KCNQ3: variants seen among roughly 807,000 people sequenced by gnomAD.
KCNQ3 encodes the protein potassium voltage-gated channel subfamily Q member 3.
KCNQ3 carries 30 observed loss-of-function variants against 92.5 expected under a neutral mutation model. The observed-to-expected ratio is 0.32, with a 90% CI of 0.24 to 0.44. KCNQ3 has a LOEUF of 0.44. Ranked by LOEUF, KCNQ3 falls within the 20% of genes least tolerant of loss-of-function variation. The pLI is 1.00. For missense variants in KCNQ3, 913 were observed against 1,140.3 expected, an observed-to-expected ratio of 0.80 and a Z score of 2.87; for synonymous variants, 450 against 468.8, an observed-to-expected ratio of 0.96 and a Z score of 0.52.
intron 1 of KCNQ3, among the ~76,000 whole-genome samples, chr8:132,371,530 A>G (rs1468502735): frequency 6.6e-6 from 1 of 152,204 alleles, no homozygotes; most frequent in African/African-American, 2.4e-5. Flanking sequence ...GTAAATAAAT[A>G]CAACCTATGG....
chr8:132,357,609 A>G (rs188417887), intron 1 of KCNQ3, among the ~76,000 whole-genome samples: 2 of 152,284 alleles, frequency 1.3e-5, no homozygotes, highest in African/African-American at 4.8e-5. Context: ...CGCAGGAGAC[A>G]TGGGCACCAC....
Position 132,330,833 on chromosome 8 carries a change from C to A in KCNQ3, c.387-144652G>T, listed in dbSNP as rs566593051. Among the ~76,000 whole-genome samples the A allele has an allele frequency of 5.9e-5, 9 of 152,312 alleles. No individual in the cohort carries two copies. In the South Asian group the frequency reaches 1.0e-3, roughly 18 times the overall value. ...GCCCTGGTGGTTTTCCCAGGCCACA[C>A]TGGGCAGTCTGTCAGTTGTTGTGTC... On this transcript the variant is annotated intron_variant, in intron 1 of 14. Transcript: ENST00000388996.
chr8:132,129,152 T>C lies in KCNQ3; in HGVS notation c.*110A>G, dbSNP rs1824766505. 3.7e-6 allele frequency: 5 copies of C among 1,339,104 alleles called. No homozygotes were observed. The highest frequency in any genetic ancestry group is 5.2e-6 in the Non-Finnish European group (5 of 961,646). The allele number at this position is 1,339,104 out of a possible 1,614,324, so 83.0% of individuals were successfully genotyped here. A position where few individuals can be genotyped will look rare whatever the true frequency, so the allele number is the denominator to read the frequency against. ...TGGGTGGGGCCACCACGCACACGCA[T>C]GCATTTGATGCAGCCATTGGTGTCC... On this transcript the variant is annotated 3_prime_UTR_variant, in exon 15 of 15. Coordinates refer to ENST00000388996, the MANE Select transcript of KCNQ3 (RefSeq NM_004519.4). The surrounding 1 kb of genome is among the most constrained non-coding windows in gnomAD (Gnocchi z 5.9).
intron 1 of KCNQ3, among the ~76,000 whole-genome samples, chr8:132,458,014 AG>A (rs1176715396): frequency 6.6e-6 from 1 of 152,150 alleles, no homozygotes; most frequent in Admixed American, 6.5e-5. Flanking sequence ...AGGTCTTTGA[AG>A]GTAGAAGCCC....
At chr8:132,329,418 T>C (rs1818164698) in intron 1 of KCNQ3, among the ~76,000 whole-genome samples, 1 of 152,228 alleles carries the variant, frequency 6.6e-6, no homozygotes, top group Non-Finnish European at 1.5e-5. Flanking sequence ...GACGGATTTC[T>C]AATTCTGTAT....
chr8:132,330,235 C>G (rs1818189786), intron 1 of KCNQ3, among the ~76,000 whole-genome samples: 1 of 152,172 alleles, frequency 6.6e-6, no homozygotes, highest in Non-Finnish European at 1.5e-5. Flanking sequence ...TGGATTGTCC[C>G]ATAGAGCTCC....
intron 1 of KCNQ3, among the ~76,000 whole-genome samples, chr8:132,460,414 C>G (rs1469420193): frequency 1.3e-5 from 2 of 152,188 alleles, no homozygotes; most frequent in African/African-American, 4.8e-5. Context: ...ACTCTAGACT[C>G]CATTTACTTT....
rs1273124293 is a variant in KCNQ3 at position 132,125,487 on chromosome 8, C to T, written c.*3775G>A. 6.6e-6 allele frequency: 1 copy of T among 152,134 alleles called. No homozygotes were observed. Among genetic ancestry groups the T allele is most frequent in the African/African-American group, 2.4e-5 (1 of 41,416 alleles). The allele number at this position is 152,134 out of a possible 1,614,324, so 9.4% of individuals were successfully genotyped here. A position where few individuals can be genotyped will look rare whatever the true frequency, so the allele number is the denominator to read the frequency against. ...TGTGGTTTTCTTATCTCTGAACTTC[C>T]AGTGCACTGCAAAGTTCTGGGCATA... On this transcript the variant is annotated 3_prime_UTR_variant, in exon 15 of 15. Coordinates refer to ENST00000388996, the MANE Select transcript of KCNQ3 (RefSeq NM_004519.4).
At chr8:132,327,056 CTGTTTTTTTCAT>C (rs1563861257) in intron 1 of KCNQ3, among the ~76,000 whole-genome samples, 1 of 152,172 alleles carries the variant, frequency 6.6e-6, no homozygotes. Flanking sequence ...GGAAGCTTGA[CTGTTTTTTTCAT>C]TGCTATACCC....
intron 1 of KCNQ3, among the ~76,000 whole-genome samples, chr8:132,277,479 G>C (rs1382377446): frequency 6.6e-6 from 1 of 152,184 alleles, no homozygotes; most frequent in Non-Finnish European, 1.5e-5. Flanking sequence ...AAAAGCCTTA[G>C]AGAAGGAACT....
chr8:132,206,742 C>A (rs1437478538), intron 1 of KCNQ3, among the ~76,000 whole-genome samples: 1 of 151,956 alleles, frequency 6.6e-6, no homozygotes, highest in African/African-American at 2.4e-5. Context: ...CTCTCTTTTT[C>A]CTAGTCTGGT....
At chr8:132,145,714 C>G (rs1825429660) in intron 9 of KCNQ3, among the ~76,000 whole-genome samples, 1 of 152,172 alleles carries the variant, frequency 6.6e-6, no homozygotes, top group Non-Finnish European at 1.5e-5. Context: ...TGCTAGAAAT[C>G]TGACAAGGAG....
chr8:132,448,502 G>GAAAAAAAAAAAA, intron 1 of KCNQ3, among the ~76,000 whole-genome samples: 39 of 93,842 alleles, frequency 4.2e-4, no homozygotes, highest in African/African-American at 1.4e-3. Flanking sequence ...GGAGAAATAT[G>GAAAAAAAAAAAA]AAAAAAAAAA....
At chr8:132,378,781 A>T (rs1252701200) in intron 1 of KCNQ3, among the ~76,000 whole-genome samples, 3 of 152,250 alleles carry the variant, frequency 2.0e-5, no homozygotes, top group Non-Finnish European at 4.4e-5. Flanking sequence ...GCATGTGGTC[A>T]ATTCTGGGCA....
chr8:132,475,554 G>C (rs1167140083), intron 1 of KCNQ3, among the ~76,000 whole-genome samples: 1 of 152,178 alleles, frequency 6.6e-6, no homozygotes, highest in African/African-American at 2.4e-5. Context: ...AAGATCTGTG[G>C]AACTTTGAAC....
intron 9 of KCNQ3, among the ~76,000 whole-genome samples, chr8:132,146,123 G>A (rs556883853): frequency 1.3e-5 from 2 of 152,364 alleles, no homozygotes; most frequent in East Asian, 1.9e-4. Flanking sequence ...CTAAGTGTAC[G>A]TGGGGCCCAC....
intron 3 of KCNQ3, among the ~76,000 whole-genome samples, chr8:132,182,045 C>CAAAA (rs796189262): frequency 9.8e-5 from 9 of 91,478 alleles, no homozygotes; most frequent in Admixed American, 1.3e-4. Flanking sequence ...GACTCCGTCT[C>CAAAA]AAAAAAAAAA....
intron 1 of KCNQ3, among the ~76,000 whole-genome samples, chr8:132,418,592 C>T (rs1363164946): frequency 6.6e-6 from 1 of 152,092 alleles, no homozygotes; most frequent in East Asian, 1.9e-4. Context: ...TCAAGACCTG[C>T]CTGGACAACA....
chr8:132,239,233 C>G (rs1183321536), intron 1 of KCNQ3, among the ~76,000 whole-genome samples: 1 of 152,198 alleles, frequency 6.6e-6, no homozygotes, highest in Non-Finnish European at 1.5e-5. Context: ...CCAGCCCTCC[C>G]TCCTGTTTAA....
Sources: allele counts gnomAD v4.1 joint callset (sites outside exome capture counted in the v4.1 genomes callset), GRCh38; gene constraint gnomAD v4.1.1; non-coding constraint Gnocchi (gnomAD v3.1); transcripts MANE v1.5; gene names NCBI Gene and HGNC (gene_info 2026-07-23, HGNC 2026-07-21).